The following EIF3E variants were observed in gnomAD, a reference collection of about 807,000 sequenced individuals.
EIF3E encodes the protein eukaryotic translation initiation factor 3 subunit E.
Under a neutral mutation model 59.3 loss-of-function variants are expected in EIF3E, and 25 were observed. The observed-to-expected ratio is 0.42, with a 90% CI of 0.31 to 0.59. The LOEUF is 0.59. Ranked by LOEUF, EIF3E falls within the 20% of genes least tolerant of loss-of-function variation. The pLI is 0.15. For missense variants in EIF3E, 317 were observed against 534.3 expected (o/e 0.59, Z 4.01); for synonymous variants, 176 against 170.2 (o/e 1.03, Z -0.26).
At chr8:108,245,080 A>C (rs2129931519) in intron 1 of EIF3E, among the ~76,000 whole-genome samples, 1 of 152,070 alleles carries the variant, frequency 6.6e-6, no homozygotes, top group Admixed American at 6.5e-5. Flanking sequence ...GTTTCTTAGT[A>C]ACCATTTCCA....
At chr8:108,236,225 T>A in intron 3 of EIF3E, 22 bp from the exon 4 acceptor site, 1 of 1,597,338 alleles carries the variant, frequency 6.3e-7, no homozygotes, top group East Asian at 2.3e-5. Context: ...AAAACAAAAA[T>A]TACATTATTT....
intron 3 of EIF3E, among the ~76,000 whole-genome samples, chr8:108,239,748 G>GT (rs1250957483): frequency 2.0e-5 from 3 of 151,840 alleles, no homozygotes; most frequent in African/African-American, 4.8e-5. Flanking sequence ...TACTAAAGAA[G>GT]TTTTTTTTAG....
At chr8:108,239,901 C>T in intron 3 of EIF3E, 57 bp downstream of exon 3, 1 of 1,322,636 alleles carries the variant, frequency 7.6e-7, no homozygotes, top group Non-Finnish European at 1.1e-6. Flanking sequence ...TTTGAATTAA[C>T]ATTTGTATTA....
intron 6 of EIF3E, 111 bp from the exon 7 acceptor site, chr8:108,228,502 C>A: frequency 1.2e-6 from 1 of 835,990 alleles, no homozygotes; most frequent in Non-Finnish European, 1.7e-6. Context: ...CCTTCTAAGG[C>A]ATGCACGGAG....
intron 2 of EIF3E, among the ~76,000 whole-genome samples, chr8:108,240,489 A>G (rs1294119094): frequency 6.6e-6 from 1 of 152,252 alleles, no homozygotes; most frequent in African/African-American, 2.4e-5. Context: ...AGAAAAACTC[A>G]GAGGGATTTA....
At chr8:108,223,224 C>T (rs1487478912) in intron 7 of EIF3E, among the ~76,000 whole-genome samples, 1 of 152,080 alleles carries the variant, frequency 6.6e-6, no homozygotes, top group Non-Finnish European at 1.5e-5. Context: ...GGAAGTAAAT[C>T]TGAGCTGGAC....
chr8:108,216,807 A>G (rs73306504), intron 8 of EIF3E, among the ~76,000 whole-genome samples: 14 of 152,258 alleles, frequency 9.2e-5, no homozygotes, highest in African/African-American at 2.9e-4. Context: ...AACTTCCCCA[A>G]TCATAAGGGT....
At position 108,223,963 on chromosome 8, in the gene EIF3E, A is replaced by T. The variant is rs907933985; in HGVS notation, c.722+4304T>A. Among the ~76,000 whole-genome samples the T allele has an allele frequency of 2.0e-5, 3 of 151,306 alleles. 1 individual carries two copies. Among genetic ancestry groups the T allele is most frequent in the African/African-American group, 7.4e-5 (3 of 40,602 alleles). On this transcript the variant is annotated intron_variant, in intron 7 of 12. Transcript: ENST00000220849. ...CCAGGCACGGTGGCTCACACCAGTA[A>T]TCCCAGCACTTTGGGATTCCAAGGT...
At chr8:108,226,604 T>C (rs1362233641) in intron 7 of EIF3E, among the ~76,000 whole-genome samples, 3 of 152,224 alleles carry the variant, frequency 2.0e-5, no homozygotes, top group African/African-American at 2.4e-5. Flanking sequence ...ATTTTTCTCT[T>C]CCTTCCAAAT....
rs765517583 is a variant in EIF3E at position 108,216,405 on chromosome 8, C to T, written c.951+7G>A. On this transcript the variant is annotated splice_region_variant and intron_variant, in intron 9 of 12. Coordinates refer to ENST00000220849, the MANE Select transcript of EIF3E (RefSeq NM_001568.3). ...GTATTAGTTTATAAATAAAAATTCA[C>T]ACTTACTGATTCACATTCCCTCAGC... 6.3e-7 allele frequency: 1 copy of T among 1,594,660 alleles called. No homozygotes were observed.
chr8:108,242,516 G>A (rs34464389), intron 1 of EIF3E: 25,882 of 1,173,738 alleles, frequency 0.022, 445 homozygotes, highest in South Asian at 0.068. Context: ...AAATATTCAC[G>A]GACAGAAATG....
intron 5 of EIF3E, chr8:108,234,574 C>T (rs1182704379): frequency 6.6e-6 from 1 of 152,268 alleles, no homozygotes; most frequent in Non-Finnish European, 1.5e-5. Flanking sequence ...TAGGATTCCA[C>T]AGTTGTTTAG....
chr8:108,231,958 A>G (rs762192937), intron 5 of EIF3E: 15 of 152,026 alleles, frequency 9.9e-5, no homozygotes, highest in Admixed American at 4.6e-4. Context: ...CATAGTTACA[A>G]TAGCTCTTTC....
At position 108,248,033 on chromosome 8, in the gene EIF3E, G is replaced by T. The variant is rs1290605184; in HGVS notation, c.90+580C>A. On this transcript the variant is annotated intron_variant, in intron 1 of 12. Transcript: ENST00000220849. Reference sequence around the variant, plus strand: ...ATTGGAGGGATTTTTTCTGGGGGGGGGGGCGGGGGAGCGCCGTCCCCATCT... The same window carrying T: ...ATTGGAGGGATTTTTTCTGGGGGGGTGGGCGGGGGAGCGCCGTCCCCATCT... 2.9e-4 allele frequency among the ~76,000 whole-genome samples: 41 copies of T among 139,280 alleles called. 1 individual carries two copies. In the East Asian group the frequency reaches 9.8e-3, roughly 33 times the overall value. 91.4% of individuals were successfully genotyped at this position (139,280 alleles called of 152,430 possible).
rs1438205415 is a variant in EIF3E at position 108,214,108 on chromosome 8, TAA to T, written c.1061+497_1061+498del. Among the ~76,000 whole-genome samples, 4 of 152,244 alleles carry T rather than the reference TAA, an allele frequency of 2.6e-5. No homozygotes were observed. In the East Asian group the frequency reaches 7.7e-4, roughly 29 times the overall value. On this transcript the variant is annotated intron_variant, in intron 10 of 12. Transcript: ENST00000220849. Reference sequence around the variant, plus strand: ...TTCTGACAAAACAGGAAATTACAACTAAAATTCACTATAATTTTTCCATCTTT... The same window carrying T: ...TTCTGACAAAACAGGAAATTACAACTAATTCACTATAATTTTTCCATCTTT...
chr8:108,222,240 C>T (rs189478526), intron 7 of EIF3E, among the ~76,000 whole-genome samples: 1 of 152,262 alleles, frequency 6.6e-6, no homozygotes, highest in East Asian at 1.9e-4. Context: ...AGATAGGTCT[C>T]ACTATGTTAC....
chr8:108,248,608 C>T lies in EIF3E; in HGVS notation c.90+5G>A. ...CGCCTTCCTTGCGCCCAAAGACCCC[C>T]TCACCTCCTTTACAGAGAGAAATTC... On this transcript the variant is annotated splice_donor_5th_base_variant and intron_variant, in intron 1 of 12. Coordinates refer to ENST00000220849, the MANE Select transcript of EIF3E (RefSeq NM_001568.3). The T allele has an allele frequency of 6.2e-7, 1 of 1,613,926 alleles. No homozygotes were observed. The highest frequency in any genetic ancestry group is 8.5e-7 in the Non-Finnish European group (1 of 1,179,944).
At position 108,201,900 on chromosome 8, in the gene EIF3E, A is replaced by G; in HGVS notation, c.1323T>C (p.Asp441=). The G allele has an allele frequency of 1.3e-6, 2 of 1,579,634 alleles. No individual in the cohort carries two copies. Among genetic ancestry groups the G allele is most frequent in the Non-Finnish European group, 1.7e-6 (2 of 1,163,146 alleles). ...RSEAPNWATQ[D]SGFY ...TTATGGTTCTTCAGTAGAAGCCAGA[A>G]TCTTGAGTTGCCCAGTTAGGAGCCT... Residue 441 remains aspartate (D), a synonymous_variant, in exon 13 of 13, where the codon GAT becomes GAC. Transcript: ENST00000220849.
chr8:108,229,248 A>G, intron 5 of EIF3E, 53 bp from the exon 6 acceptor site: 1 of 1,579,256 alleles, frequency 6.3e-7, no homozygotes, highest in South Asian at 1.1e-5. Flanking sequence ...AAAAATGAAC[A>G]TAATGTATGT....
Sources: gnomAD v4.1 joint callset for allele counts (sites outside exome capture counted in the v4.1 genomes callset) on GRCh38, gnomAD v4.1.1 for gene constraint, MANE v1.5 for transcripts, NCBI Gene and HGNC (gene_info 2026-07-23, HGNC 2026-07-21) for gene names.